Variants in FOXN4 observed in about 807,000 individuals in gnomAD.
FOXN4 encodes forkhead box N4, also known as forkhead box protein N4.
In FOXN4, 12 loss-of-function variants were observed where a neutral mutation model predicts 45.0. That is an observed-to-expected ratio of 0.27 (90% CI 0.17 to 0.43). FOXN4 has a LOEUF of 0.43. FOXN4 is among the 20% of genes least tolerant of loss of function. FOXN4 has a pLI of 1.00. For synonymous variants in FOXN4, 297 were observed against 295.0 expected (o/e 1.01, Z -0.07); for missense variants, 560 against 694.9 (o/e 0.81, Z 2.18).
Position 109,281,747 on chromosome 12 carries a change from G to T in FOXN4, c.954C>A (p.Gly318=). Residue 318 remains glycine (G), a synonymous_variant, in exon 9 of 10, where the codon GGC becomes GGA. Transcript: ENST00000299162. The part of the protein sequence containing the change: ...SDRPESCRRP[G]KPGEPEAPVL... ...CGGGGGCCTCTGGTTCCCCCGGTTT[G>T]CCGGGGCGCCGGCAGCTTTCAGGCC... 1 of 1,605,126 alleles carries T rather than the reference G, an allele frequency of 6.2e-7. No homozygotes were observed. The highest frequency in any genetic ancestry group is 8.5e-7 in the Non-Finnish European group (1 of 1,176,124).
In FOXN4 at chr12:109,288,428, TCTG is replaced by T. The variant is rs1391376524; in HGVS notation, c.233-251_233-249del. Among the ~76,000 whole-genome samples, 1 of 152,114 alleles carries T rather than the reference TCTG, an allele frequency of 6.6e-6. No homozygotes were observed. Among genetic ancestry groups the T allele is most frequent in the Non-Finnish European group, 1.5e-5 (1 of 68,026 alleles). On this transcript the variant is annotated intron_variant, in intron 3 of 9. Transcript: ENST00000299162. The surrounding 1 kb of genome is among the most constrained non-coding windows in gnomAD (Gnocchi z 4.3). ...ATCTACTGATACCCCTAACTATAAA[TCTG>T]CTGTGAGGGTTAAATGAGATAATGT...
rs1480131603 is a variant in FOXN4 at position 109,287,479 on chromosome 12, G to A, written c.514C>T (p.Pro172Ser). ...LYGPPFGVRP[P>S]YPQPHVAVHS... Reference sequence around the variant, plus strand: ...ACAGCCACGTGGGGCTGGGGGTAGGGGGGCCGCACCCCAAATGGGGGGCCA... The same window carrying A: ...ACAGCCACGTGGGGCTGGGGGTAGGAGGGCCGCACCCCAAATGGGGGGCCA... Residue 172 changes from proline (P) to serine (S), a missense_variant, in exon 6 of 10, where the codon CCC (proline) becomes TCC (serine). By Grantham distance (74) the Pro-to-Ser change is moderately conservative. This residue lies in a region of FOXN4 where 61 missense variants were observed against 59.8 expected (regional missense o/e 1.02). Coordinates refer to ENST00000299162, the MANE Select transcript of FOXN4 (RefSeq NM_213596.3). This position sits in a 1 kb window ranked among gnomAD's most constrained non-coding sequence, Gnocchi z 4.1. 42 of 1,549,890 alleles carry A rather than the reference G, an allele frequency of 2.7e-5. No individual in the cohort carries two copies. Among genetic ancestry groups the A allele is most frequent in the Non-Finnish European group, 3.6e-5 (41 of 1,146,212 alleles).
intron 8 of FOXN4, among the ~76,000 whole-genome samples, chr12:109,283,182 T>C (rs1375284279): frequency 6.6e-6 from 1 of 152,208 alleles, no homozygotes; most frequent in Non-Finnish European, 1.5e-5. Context: ...TTAATTTTTT[T>C]TTTAAAAGCA....
intron 9 of FOXN4, among the ~76,000 whole-genome samples, chr12:109,280,355 A>G (rs943533206): frequency 6.6e-6 from 1 of 151,284 alleles, no homozygotes; most frequent in Non-Finnish European, 1.5e-5. Flanking sequence ...AAAAAAAAAA[A>G]AAAAAAAAAA....
intron 9 of FOXN4, among the ~76,000 whole-genome samples, chr12:109,281,007 C>G (rs1163566757): frequency 1.3e-5 from 2 of 152,198 alleles, no homozygotes; most frequent in Non-Finnish European, 2.9e-5. Flanking sequence ...CTTCACTTCT[C>G]TCTGCCTCAG....
chr12:109,296,678 G>A (rs990388239), intron 2 of FOXN4, among the ~76,000 whole-genome samples: 2 of 152,180 alleles, frequency 1.3e-5, no homozygotes, highest in Admixed American at 6.5e-5. Flanking sequence ...TGATGCTGAA[G>A]CAAGGACCCT....
chr12:109,298,324 G>A (rs921101905), intron 2 of FOXN4, among the ~76,000 whole-genome samples: 2 of 136,900 alleles, frequency 1.5e-5, no homozygotes, highest in Admixed American at 1.5e-4. Flanking sequence ...GGTTCCTTTT[G>A]TTTCAGGTTT....
At chr12:109,283,531 A>G (rs191938850) in intron 8 of FOXN4, among the ~76,000 whole-genome samples, 59 of 148,078 alleles carry the variant, frequency 4.0e-4, no homozygotes, top group African/African-American at 1.4e-3. Flanking sequence ...GCTGGAGTAC[A>G]GTGGCTTGAT....
At chr12:109,300,682 G>C (rs567845941) in intron 2 of FOXN4, among the ~76,000 whole-genome samples, 1 of 152,300 alleles carries the variant, frequency 6.6e-6, no homozygotes, top group East Asian at 1.9e-4. Context: ...GCTGATGCAG[G>C]AGGATCACTT....
In FOXN4 at chr12:109,287,944, A is replaced by T; in HGVS notation, c.368T>A (p.Phe123Tyr). 6.5e-7 allele frequency: 1 copy of T among 1,548,090 alleles called. No homozygotes were observed. Among genetic ancestry groups the T allele is most frequent in the Non-Finnish European group, 8.7e-7 (1 of 1,146,658 alleles). Residue 123 changes from phenylalanine to tyrosine, a missense_variant, in exon 5 of 10, where the codon TTC (phenylalanine) becomes TAC (tyrosine). By Grantham distance (22) the Phe-to-Tyr change is conservative. This residue lies in a region of FOXN4 where 142 missense variants were observed against 185.7 expected (regional missense o/e 0.76). Transcript: ENST00000299162. This position sits in a 1 kb window ranked among gnomAD's most constrained non-coding sequence, Gnocchi z 4.1. ...AGATGAGGGCTGGCCCCCCACGGGGAACTGGCTCATCTGCTGGGCAGGAAG... is the reference window on the plus strand; with the variant it reads ...AGATGAGGGCTGGCCCCCCACGGGGTACTGGCTCATCTGCTGGGCAGGAAG... Reference protein sequence around the residue: ...ITGHRDSMSQFPVGGQPSSGL... With the variant: ...ITGHRDSMSQYPVGGQPSSGL...
chr12:109,296,654 GC>G (rs911435344), intron 2 of FOXN4, among the ~76,000 whole-genome samples: 1 of 152,162 alleles, frequency 6.6e-6, no homozygotes, highest in Non-Finnish European at 1.5e-5. Flanking sequence ...GGTGCAGGCA[GC>G]CCCCAGAGAC....
intron 2 of FOXN4, among the ~76,000 whole-genome samples, chr12:109,304,279 GAAAGAAAGA>G (rs2047898435): frequency 4.7e-5 from 3 of 63,438 alleles, no homozygotes; most frequent in Non-Finnish European, 1.1e-4. Context: ...AAGAAAGAAA[GAAAGAAAGA>G]AAGAAAGGAG....
At chr12:109,286,983 T>A in intron 6 of FOXN4, 1 of 1,058,076 alleles carries the variant, frequency 9.5e-7, no homozygotes, top group East Asian at 2.8e-5. Context: ...ATCTTACCCT[T>A]TCCCCTCTTT....
chr12:109,285,939 C>A (rs1223867294), intron 7 of FOXN4, among the ~76,000 whole-genome samples: 1 of 150,016 alleles, frequency 6.7e-6, no homozygotes, highest in Non-Finnish European at 1.5e-5. Flanking sequence ...GATCACGGCT[C>A]ACTGCAACCT....
rs933762316 is a variant in FOXN4 at position 109,285,579 on chromosome 12, C to T, written c.694-68G>A. The T allele has an allele frequency of 9.0e-6, 14 of 1,564,026 alleles. No homozygotes were observed. The African/African-American group carries it at 1.8e-4, about 20-fold the overall frequency. On this transcript the variant is annotated intron_variant, in intron 7 of 9. Coordinates refer to ENST00000299162, the MANE Select transcript of FOXN4 (RefSeq NM_213596.3). ...TTCCCCCTACCCCGGGGATCTCCTA[C>T]TCAGGCCTATAGGGGCAGGACACCG...
At chr12:109,289,583 A>C (rs2047746918) in intron 3 of FOXN4, among the ~76,000 whole-genome samples, 1 of 151,994 alleles carries the variant, frequency 6.6e-6, no homozygotes, top group East Asian at 1.9e-4. Context: ...CATTTTATCC[A>C]TTTGCTATGA....
At chr12:109,299,320 C>T (rs770580481) in intron 2 of FOXN4, among the ~76,000 whole-genome samples, 18 of 152,168 alleles carry the variant, frequency 1.2e-4, no homozygotes, top group Admixed American at 2.0e-4. Context: ...GACACACACA[C>T]GCACGCATGC....
At chr12:109,303,590 G>C (rs1474189976) in intron 2 of FOXN4, among the ~76,000 whole-genome samples, 1 of 152,210 alleles carries the variant, frequency 6.6e-6, no homozygotes, top group Non-Finnish European at 1.5e-5. Flanking sequence ...TCTTAGAGCA[G>C]GGACTGAGAT....
At chr12:109,300,909 T>TA (rs1013856439) in intron 2 of FOXN4, among the ~76,000 whole-genome samples, 1 of 151,876 alleles carries the variant, frequency 6.6e-6, no homozygotes, top group African/African-American at 2.4e-5. Flanking sequence ...ACCCTGTCTC[T>TA]AAAAAAATAA....
Sources: gnomAD v4.1 joint callset for allele counts (sites outside exome capture counted in the v4.1 genomes callset) on GRCh38, gnomAD v4.1.1 for gene constraint, gnomAD v4.1.1 regional missense constraint, Gnocchi (gnomAD v3.1) non-coding constraint, MANE v1.5 for transcripts, NCBI Gene and HGNC (gene_info 2026-07-23, HGNC 2026-07-21) for gene names.